Variants in ZBTB11 observed in about 807,000 individuals in gnomAD.
ZBTB11 encodes the protein zinc finger and BTB domain-containing protein 11.
A neutral mutation model predicts 113.1 loss-of-function variants in ZBTB11; 68 were observed. That is an observed-to-expected ratio of 0.60 (90% CI 0.49 to 0.74). The LOEUF is 0.74. ZBTB11 is among the 30% of genes least tolerant of loss of function. ZBTB11 has a pLI of 0.00. For missense variants in ZBTB11, 1,104 were observed against 1,279.4 expected, an observed-to-expected ratio of 0.86 and a Z score of 2.09; for synonymous variants, 518 against 452.6, an observed-to-expected ratio of 1.14 and a Z score of -1.83.
At chr3:101,652,464 A>AT (rs1936720792) in intron 10 of ZBTB11, 32 bp downstream of exon 10, 16 of 1,596,424 alleles carry the variant, frequency 1.0e-5, no homozygotes, top group Non-Finnish European at 1.3e-5. Context: ...CTTTTATTCT[A>AT]TAAGGATACA....
intron 2 of ZBTB11, 177 bp from the exon 3 acceptor site, chr3:101,671,538 A>G (rs1335953748): frequency 1.7e-6 from 1 of 605,430 alleles, no homozygotes; most frequent in African/African-American, 1.9e-5. Flanking sequence ...ATTTTCTGCC[A>G]TGTTCATTCT....
At chr3:101,659,495 G>A (rs1315939220) in intron 6 of ZBTB11, among the ~76,000 whole-genome samples, 1 of 152,154 alleles carries the variant, frequency 6.6e-6, no homozygotes, top group Non-Finnish European at 1.5e-5. Context: ...CCAGTTGAAG[G>A]TTAAGGAATG....
At chr3:101,669,043 T>G (rs1420551953) in intron 3 of ZBTB11, among the ~76,000 whole-genome samples, 2 of 152,064 alleles carry the variant, frequency 1.3e-5, no homozygotes, top group Non-Finnish European at 2.9e-5. Context: ...AAATTTTTTT[T>G]TGTGGCTAAG....
intron 5 of ZBTB11, among the ~76,000 whole-genome samples, chr3:101,663,978 G>A (rs1268703498): frequency 6.6e-6 from 1 of 152,042 alleles, no homozygotes; most frequent in African/African-American, 2.4e-5. Flanking sequence ...TCCCTGTTTT[G>A]AGTACAGTAC....
At chr3:101,673,001 G>C (rs1281637764) in intron 1 of ZBTB11, among the ~76,000 whole-genome samples, 2 of 152,286 alleles carry the variant, frequency 1.3e-5, no homozygotes, top group Non-Finnish European at 2.9e-5. Flanking sequence ...TACAAAACTT[G>C]TAATGAAAGT....
Position 101,651,569 on chromosome 3 carries a change from C to T in ZBTB11, c.2759G>A (p.Ser920Asn). 1 of 1,613,972 alleles carries T rather than the reference C, an allele frequency of 6.2e-7. No individual in the cohort carries two copies. Among genetic ancestry groups the T allele is most frequent in the Non-Finnish European group, 8.5e-7 (1 of 1,180,006 alleles). The change falls in exon 11 of 11, where the codon AGC (serine) becomes AAC (asparagine). Residue 920 changes from serine (S) to asparagine (N), a missense_variant. Around this residue, in one of 5 missense-constraint regions of ZBTB11, gnomAD observed 148 missense variants for 259.3 expected, o/e 0.57. Transcript: ENST00000312938. ...TGTTCGAGCATCTATGTAGGCTTCGCTACATACAGGACAGACATAGGGCCG... is the reference window on the plus strand; with the variant it reads ...TGTTCGAGCATCTATGTAGGCTTCGTTACATACAGGACAGACATAGGGCCG... ...GERPYVCPVCSEAYIDARTLR... is the reference protein window; with the variant it reads ...GERPYVCPVCNEAYIDARTLR...
intron 3 of ZBTB11, among the ~76,000 whole-genome samples, chr3:101,668,806 G>A (rs987553778): frequency 2.6e-5 from 4 of 151,754 alleles, no homozygotes; most frequent in Non-Finnish European, 4.4e-5. Context: ...AAAATAAAAG[G>A]AGCGAGCCTC....
At chr3:101,661,917 C>G (rs1936894206) in intron 5 of ZBTB11, 2 of 151,844 alleles carry the variant, frequency 1.3e-5, no homozygotes, top group African/African-American at 4.8e-5. Flanking sequence ...TGTCTTTTTG[C>G]TCTATTTTCT....
chr3:101,673,267 T>TA (rs1223854944), intron 1 of ZBTB11, among the ~76,000 whole-genome samples: 2 of 152,116 alleles, frequency 1.3e-5, no homozygotes, highest in Non-Finnish European at 2.9e-5. Context: ...AATAAAGCCC[T>TA]AAGAGGTATG....
At chr3:101,660,177 T>C (rs1936864293) in intron 5 of ZBTB11, 149 bp from the exon 6 acceptor site, 1 of 773,860 alleles carries the variant, frequency 1.3e-6, no homozygotes, top group South Asian at 1.9e-5. Context: ...ATTGTAAAGA[T>C]AAAAGGGATA....
chr3:101,671,382 G>T, intron 2 of ZBTB11, 21 bp from the exon 3 acceptor site: 2 of 1,587,544 alleles, frequency 1.3e-6, no homozygotes, highest in Non-Finnish European at 1.7e-6. Flanking sequence ...AAGTTTGAGA[G>T]CAAGAGTAAC....
chr3:101,658,444 G>A lies in ZBTB11; in HGVS notation c.2046+1339C>T, dbSNP rs1014602441. The stretch of plus-strand genomic sequence containing the variant: ...CAGGATTGTTAGCCAGGATGGTCTC[G>A]ATCTCCTGACCTTGTGATCCGCCTG... On this transcript the variant is annotated intron_variant, in intron 6 of 10. Coordinates refer to ENST00000312938, the MANE Select transcript of ZBTB11 (RefSeq NM_014415.4). Among the ~76,000 whole-genome samples, 4 of 151,962 alleles carry A rather than the reference G, an allele frequency of 2.6e-5. No homozygotes were observed. In the South Asian group the frequency reaches 6.2e-4, roughly 24 times the overall value.
Position 101,651,144 on chromosome 3 carries a change from C to A in ZBTB11, c.*22G>T, listed in dbSNP as rs72933823. 5 of 1,542,160 alleles carry A rather than the reference C, an allele frequency of 3.2e-6. No individual in the cohort carries two copies. The African/African-American group carries it at 5.5e-5, about 17-fold the overall frequency. Reference sequence around the variant, plus strand: ...GTTCAGTGTACAAGAGATGTCACTTCTTTTTATCTTCATTAACATACTCAT... The same window carrying A: ...GTTCAGTGTACAAGAGATGTCACTTATTTTTATCTTCATTAACATACTCAT... On this transcript the variant is annotated 3_prime_UTR_variant, in exon 11 of 11. Transcript: ENST00000312938.
At chr3:101,656,674 GAAATTTTTGTTAAACACAA>G (rs1465880447) in intron 6 of ZBTB11, among the ~76,000 whole-genome samples, 4 of 152,080 alleles carry the variant, frequency 2.6e-5, no homozygotes, top group Non-Finnish European at 4.4e-5. Context: ...TCCACTGGGA[GAAATTTTTGTTAAACACAA>G]AAATTTTTGT....
At chr3:101,656,547 T>G (rs1936802009) in intron 6 of ZBTB11, among the ~76,000 whole-genome samples, 1 of 152,194 alleles carries the variant, frequency 6.6e-6, no homozygotes, top group Admixed American at 6.5e-5. Flanking sequence ...GTATACCTTA[T>G]ATTAAGAGAC....
In ZBTB11 at chr3:101,664,553, T is replaced by C. The variant is rs766184539; in HGVS notation, c.1785A>G (p.Arg595=). 6 of 1,605,432 alleles carry C rather than the reference T, an allele frequency of 3.7e-6. No individual in the cohort carries two copies. In the East Asian group the frequency reaches 1.1e-4, roughly 30 times the overall value. ...AAATACTTACTGGACATTTGTAATCTCTAGCTCTTTCATGTTTCAGTTTGT... is the reference window on the plus strand; with the variant it reads ...AAATACTTACTGGACATTTGTAATCCCTAGCTCTTTCATGTTTCAGTTTGT... ...IMHKLKHERA[R]DYKCPLCKKQ... Residue 595 remains arginine, a synonymous_variant, in exon 5 of 11, where the codon AGA becomes AGG. Transcript: ENST00000312938.
At chr3:101,669,476 G>A (rs1470665563) in intron 3 of ZBTB11, among the ~76,000 whole-genome samples, 1 of 152,142 alleles carries the variant, frequency 6.6e-6, no homozygotes, top group African/African-American at 2.4e-5. Flanking sequence ...TTAGGATGCT[G>A]TGCCATAGTT....
Position 101,677,018 on chromosome 3 carries a change from CG to C in ZBTB11, c.-105del. 7.6e-7 allele frequency: 1 copy of C among 1,308,472 alleles called. No homozygotes were observed. Among genetic ancestry groups the C allele is most frequent in the South Asian group, 1.5e-5 (1 of 66,140 alleles). The allele number at this position is 1,308,472 out of a possible 1,614,324, so 81.1% of individuals were successfully genotyped here. ...GGAGCGGCGGCACCGTAGGGAGAAA[CG>C]GCTGCGCCTTTGGCGAGCGCTCTTC... On this transcript the variant is annotated 5_prime_UTR_variant, in exon 1 of 11. Coordinates refer to ENST00000312938, the MANE Select transcript of ZBTB11 (RefSeq NM_014415.4).
At position 101,660,034 on chromosome 3, in the gene ZBTB11, A is replaced by G. The variant is rs566637294; in HGVS notation, c.1801-6T>C. 3.8e-5 allele frequency: 61 copies of G among 1,605,648 alleles called. 1 individual carries two copies. In the East Asian group the frequency reaches 1.0e-3, roughly 26 times the overall value. ...TGAAACTGTTTTTTACACAACTAAA[A>G]GAAAAATAAAATTCTCTCTAAATGT... On this transcript the variant is annotated splice_region_variant and splice_polypyrimidine_tract_variant and intron_variant, in intron 5 of 10. Coordinates refer to ENST00000312938, the MANE Select transcript of ZBTB11 (RefSeq NM_014415.4).
Sources: gnomAD v4.1 joint callset for allele counts (sites outside exome capture counted in the v4.1 genomes callset) on GRCh38, gnomAD v4.1.1 for gene constraint, gnomAD v4.1.1 regional missense constraint, MANE v1.5 for transcripts, NCBI Gene and HGNC (gene_info 2026-07-23, HGNC 2026-07-21) for gene names.